Variants in CSMD3 observed in about 807,000 individuals in gnomAD.
The protein encoded by CSMD3 is CUB and Sushi multiple domains 3, also known as CUB and sushi domain-containing protein 3.
In CSMD3, 177 loss-of-function variants were observed where a neutral mutation model predicts 435.2. The ratio of observed to expected loss-of-function variants is 0.41; its 90% CI spans 0.36 to 0.46. The LOEUF is 0.46. Among genes scored for constraint, CSMD3 ranks in the 20% least tolerant of loss-of-function variants. The probability of loss-of-function intolerance (pLI) is 0.34; values close to 1 mark genes in which losing one functional copy is unlikely to be tolerated. For synonymous variants in CSMD3, 1,656 were observed against 1,520.5 expected (o/e 1.09, Z -2.07); for missense variants, 4,265 against 4,504.6 (o/e 0.95, Z 1.52).
intron 31 of CSMD3, among the ~76,000 whole-genome samples, chr8:112,483,897 C>G (rs1186319054): frequency 6.6e-6 from 1 of 152,144 alleles, no homozygotes; most frequent in Non-Finnish European, 1.5e-5. Flanking sequence ...TAATTTTTCT[C>G]TAAGGATCAA....
intron 3 of CSMD3, among the ~76,000 whole-genome samples, chr8:113,219,091 T>G (rs2132119614): frequency 6.6e-6 from 1 of 151,496 alleles, no homozygotes; most frequent in Admixed American, 6.6e-5. Context: ...TAATATTGTA[T>G]AAATACATCA....
At chr8:113,354,928 C>T (rs2094211950) in intron 1 of CSMD3, among the ~76,000 whole-genome samples, 1 of 152,126 alleles carries the variant, frequency 6.6e-6, no homozygotes, top group African/African-American at 2.4e-5. Context: ...CATGAGCCAC[C>T]ACGCCCAACC....
chr8:112,842,335 G>C (rs1386431825), intron 11 of CSMD3, among the ~76,000 whole-genome samples: 2 of 151,790 alleles, frequency 1.3e-5, no homozygotes, highest in African/African-American at 2.4e-5. Flanking sequence ...TCTGCTGATG[G>C]TTTCCGGTGA....
At chr8:113,195,791 T>TTATATA (rs749886578) in intron 3 of CSMD3, among the ~76,000 whole-genome samples, 7,852 of 125,732 alleles carry the variant, frequency 0.062, 294 homozygotes, top group East Asian at 0.12. Flanking sequence ...ATCCTATATT[T>TTATATA]TATATATATA....
At chr8:113,223,194 T>G (rs1216037543) in intron 3 of CSMD3, among the ~76,000 whole-genome samples, 1 of 150,696 alleles carries the variant, frequency 6.6e-6, no homozygotes, top group African/African-American at 2.4e-5. Context: ...AAAATATAGC[T>G]CATTTTAATA....
At chr8:112,339,096 G>C (rs1412786151) in intron 42 of CSMD3, among the ~76,000 whole-genome samples, 2 of 152,024 alleles carry the variant, frequency 1.3e-5, no homozygotes, top group Non-Finnish European at 2.9e-5. Flanking sequence ...AAGAGGACCA[G>C]AGGCAACTCC....
intron 24 of CSMD3, among the ~76,000 whole-genome samples, chr8:112,563,629 T>A (rs766569104): frequency 6.6e-6 from 1 of 152,010 alleles, no homozygotes; most frequent in East Asian, 1.9e-4. Flanking sequence ...CCAATCAGCA[T>A]TGGGCATTTG....
At chr8:112,517,361 T>C in intron 27 of CSMD3, 136 bp from the exon 28 acceptor site, 1 of 628,514 alleles carries the variant, frequency 1.6e-6, no homozygotes. Flanking sequence ...ACTTTCTCCA[T>C]ATTTTAAATA....
intron 45 of CSMD3, among the ~76,000 whole-genome samples, chr8:112,321,568 G>T (rs1822999390): frequency 6.6e-6 from 1 of 152,084 alleles, no homozygotes; most frequent in Non-Finnish European, 1.5e-5. Flanking sequence ...CTAACAAAAA[G>T]CTATTTATAA....
At chr8:112,960,215 G>T (rs1173013741) in intron 7 of CSMD3, among the ~76,000 whole-genome samples, 1 of 150,798 alleles carries the variant, frequency 6.6e-6, no homozygotes, top group Non-Finnish European at 1.5e-5. Context: ...TGTACTGGCT[G>T]AACAAAACAC....
chr8:112,553,914 C>T (rs1827897925), intron 25 of CSMD3, among the ~76,000 whole-genome samples: 1 of 151,830 alleles, frequency 6.6e-6, no homozygotes. Flanking sequence ...GCTATTAGTG[C>T]CAGTTATTTA....
At chr8:112,781,021 C>G (rs2078371080) in intron 13 of CSMD3, among the ~76,000 whole-genome samples, 1 of 152,088 alleles carries the variant, frequency 6.6e-6, no homozygotes, top group South Asian at 2.1e-4. Flanking sequence ...CCACCCCTAA[C>G]TCCAGGCAAT....
At chr8:113,091,667 T>C (rs1190033344) in intron 5 of CSMD3, among the ~76,000 whole-genome samples, 1 of 151,978 alleles carries the variant, frequency 6.6e-6, no homozygotes, top group East Asian at 1.9e-4. Flanking sequence ...TCCATCTCTC[T>C]CTCTCTCTTT....
intron 42 of CSMD3, 52 bp from the exon 43 acceptor site, chr8:112,337,783 C>G (rs762543601): frequency 7.0e-7 from 1 of 1,433,336 alleles, no homozygotes; most frequent in East Asian, 2.3e-5. Flanking sequence ...TCAGAGGCCA[C>G]AGATAGGGTA....
At chr8:112,840,747 C>A (rs952426674) in intron 11 of CSMD3, among the ~76,000 whole-genome samples, 1 of 151,546 alleles carries the variant, frequency 6.6e-6, no homozygotes, top group Non-Finnish European at 1.5e-5. Flanking sequence ...GGTAGCTATA[C>A]TACTGTTTCC....
At chr8:112,686,486 ATTT>A (rs763068444) in intron 14 of CSMD3, among the ~76,000 whole-genome samples, 1 of 141,510 alleles carries the variant, frequency 7.1e-6, no homozygotes, top group Non-Finnish European at 1.5e-5. Context: ...TTTTCATTAC[ATTT>A]TTTTTTTTTT....
chr8:113,095,277 T>A (rs887796456), intron 5 of CSMD3, among the ~76,000 whole-genome samples: 4 of 152,128 alleles, frequency 2.6e-5, no homozygotes, highest in Non-Finnish European at 4.4e-5. Flanking sequence ...TATTTTATAA[T>A]AAGCTCCAAA....
intron 35 of CSMD3, among the ~76,000 whole-genome samples, chr8:112,403,479 A>C (rs980695771): frequency 2.6e-5 from 4 of 152,316 alleles, no homozygotes; most frequent in Non-Finnish European, 5.9e-5. Context: ...TAAGTTTTCA[A>C]CAACAGAAAT....
At chr8:112,837,799 T>C (rs2080070903) in intron 11 of CSMD3, among the ~76,000 whole-genome samples, 1 of 151,764 alleles carries the variant, frequency 6.6e-6, no homozygotes, top group Admixed American at 6.6e-5. Context: ...TATTTCAGAA[T>C]GGCAATAAGT....
Sources: gnomAD v4.1 joint callset for allele counts (sites outside exome capture counted in the v4.1 genomes callset) on GRCh38, gnomAD v4.1.1 for gene constraint, MANE v1.5 for transcripts, NCBI Gene and HGNC (gene_info 2026-07-23, HGNC 2026-07-21) for gene names.